Variants in PLCL2 observed in about 807,000 individuals in gnomAD.
The protein encoded by PLCL2 is inactive phospholipase C-like protein 2.
Under a neutral mutation model 79.6 loss-of-function variants are expected in PLCL2, and 4 were observed. That is an observed-to-expected ratio of 0.05 (90% CI 0.02 to 0.11). PLCL2 has a LOEUF of 0.11. Ranked by LOEUF, PLCL2 falls within the 10% of genes least tolerant of loss-of-function variation. The probability of loss-of-function intolerance (pLI) is 1.00; values close to 1 mark genes in which losing one functional copy is unlikely to be tolerated. For missense variants in PLCL2, 895 were observed against 1,291.0 expected, an observed-to-expected ratio of 0.69 and a Z score of 4.70; for synonymous variants, 484 against 457.7, an observed-to-expected ratio of 1.06 and a Z score of -0.73.
chr3:16,977,679 T>C (rs1201361457), intron 1 of PLCL2, among the ~76,000 whole-genome samples: 2 of 152,250 alleles, frequency 1.3e-5, no homozygotes, highest in Non-Finnish European at 2.9e-5. Context: ...CTGGTGTTAA[T>C]GAAGTAATAC....
chr3:16,892,606 A>G (rs1242557829), intron 1 of PLCL2, among the ~76,000 whole-genome samples: 1 of 152,232 alleles, frequency 6.6e-6, no homozygotes, highest in Non-Finnish European at 1.5e-5. Context: ...TAAAATACAT[A>G]AGGAATCTGG....
At chr3:16,928,818 G>A (rs1322070390) in intron 1 of PLCL2, among the ~76,000 whole-genome samples, 1 of 152,174 alleles carries the variant, frequency 6.6e-6, no homozygotes, top group Non-Finnish European at 1.5e-5. Context: ...AATATTCGGT[G>A]ATGCTATCCT....
At chr3:16,960,907 T>A (rs2063748412) in intron 1 of PLCL2, among the ~76,000 whole-genome samples, 1 of 152,230 alleles carries the variant, frequency 6.6e-6, no homozygotes, top group Non-Finnish European at 1.5e-5. Flanking sequence ...AATGACTTCA[T>A]GGTTATTAAT....
chr3:16,921,196 A>G (rs1172788613), intron 1 of PLCL2, among the ~76,000 whole-genome samples: 1 of 152,224 alleles, frequency 6.6e-6, no homozygotes, highest in Non-Finnish European at 1.5e-5. Flanking sequence ...CTAGTCAGAT[A>G]TTTTAGTCAT....
At chr3:17,035,065 T>G (rs1445892404) in intron 3 of PLCL2, among the ~76,000 whole-genome samples, 3 of 152,174 alleles carry the variant, frequency 2.0e-5, no homozygotes, top group Non-Finnish European at 4.4e-5. Flanking sequence ...ATCTTTAAAA[T>G]TTCTCCCTCA....
intron 1 of PLCL2, among the ~76,000 whole-genome samples, chr3:16,891,650 G>A (rs1191605378): frequency 6.6e-6 from 1 of 152,192 alleles, no homozygotes; most frequent in Non-Finnish European, 1.5e-5. Context: ...GCTTTGCCCA[G>A]GACAATCCAG....
intron 1 of PLCL2, among the ~76,000 whole-genome samples, chr3:16,993,495 G>C (rs762162491): frequency 5.3e-5 from 8 of 152,118 alleles, no homozygotes; most frequent in African/African-American, 7.2e-5. Flanking sequence ...TGGACTGAAG[G>C]GTCAGCTTCA....
At chr3:16,941,681 T>C (rs1418357584) in intron 1 of PLCL2, among the ~76,000 whole-genome samples, 1 of 152,206 alleles carries the variant, frequency 6.6e-6, no homozygotes, top group African/African-American at 2.4e-5. Context: ...CTTCATAATC[T>C]TGGCTGGGCT....
chr3:16,984,640 G>A (rs1334164881), intron 1 of PLCL2, among the ~76,000 whole-genome samples: 1 of 152,068 alleles, frequency 6.6e-6, no homozygotes, highest in South Asian at 2.1e-4. Flanking sequence ...TGTTATTTAA[G>A]AATCAGACCT....
chr3:17,022,271 T>C (rs1012400965), intron 3 of PLCL2, among the ~76,000 whole-genome samples: 1 of 152,190 alleles, frequency 6.6e-6, no homozygotes, highest in Non-Finnish European at 1.5e-5. Flanking sequence ...AAAACTAAGA[T>C]ATTCGAAGTA....
chr3:16,976,994 A>G (rs563757577), intron 1 of PLCL2, among the ~76,000 whole-genome samples: 1 of 152,280 alleles, frequency 6.6e-6, no homozygotes, highest in African/African-American at 2.4e-5. Flanking sequence ...TTGGTAGTCC[A>G]TGTTGTCTAG....
At chr3:17,004,232 T>C (rs2064238486) in intron 1 of PLCL2, among the ~76,000 whole-genome samples, 1 of 152,190 alleles carries the variant, frequency 6.6e-6, no homozygotes, top group Non-Finnish European at 1.5e-5. Context: ...AGAAGTGATA[T>C]TCTGTTTTGG....
Position 16,885,211 on chromosome 3 carries a change from G to A in PLCL2, c.172G>A (p.Asp58Asn). ...TGACAGCGGCGGGGTTTCCAACGGAGACTGCAGCCTCGGCGTGTCCGGGGA... is the reference window on the plus strand; with the variant it reads ...TGACAGCGGCGGGGTTTCCAACGGAAACTGCAGCCTCGGCGTGTCCGGGGA... Reference protein sequence around the residue: ...RYDSGGVSNGDCSLGVSGDEA... With the variant: ...RYDSGGVSNGNCSLGVSGDEA... The change falls in exon 1 of 6, where the codon GAC becomes AAC. Residue 58 changes from aspartate to asparagine, a missense_variant. Asp to Asn is a conservative substitution (Grantham distance 23). Around this residue, in one of 6 missense-constraint regions of PLCL2, gnomAD observed 110 missense variants for 42.9 expected, o/e 2.56. Coordinates refer to ENST00000615277, the MANE Select transcript of PLCL2 (RefSeq NM_001144382.2). 1 of 646,226 alleles carries A rather than the reference G, an allele frequency of 1.5e-6. No individual in the cohort carries two copies. Among genetic ancestry groups the A allele is most frequent in the East Asian group, 3.2e-5 (1 of 31,664 alleles). 40.0% of individuals were successfully genotyped at this position (646,226 alleles called of 1,614,324 possible). A position where few individuals can be genotyped will look rare whatever the true frequency, so the allele number is the denominator to read the frequency against.
intron 4 of PLCL2, among the ~76,000 whole-genome samples, chr3:17,051,792 A>G (rs2064842010): frequency 6.6e-6 from 1 of 152,178 alleles, no homozygotes; most frequent in African/African-American, 2.4e-5. Flanking sequence ...TAGTTTCATG[A>G]TGCTTTGTTC....
chr3:16,953,333 A>C (rs991552090), intron 1 of PLCL2, among the ~76,000 whole-genome samples: 1 of 152,146 alleles, frequency 6.6e-6, no homozygotes, highest in Non-Finnish European at 1.5e-5. Flanking sequence ...TATTTCTATC[A>C]TTTTGAATTT....
At chr3:16,991,496 A>C (rs1164203394) in intron 1 of PLCL2, among the ~76,000 whole-genome samples, 1 of 152,118 alleles carries the variant, frequency 6.6e-6, no homozygotes, top group Non-Finnish European at 1.5e-5. Context: ...TATTCTCTTC[A>C]TTCTTTTTGA....
intron 2 of PLCL2, among the ~76,000 whole-genome samples, chr3:17,013,180 T>C (rs1005331938): frequency 6.6e-6 from 1 of 152,204 alleles, no homozygotes; most frequent in Non-Finnish European, 1.5e-5. Context: ...GCAAGCGCAT[T>C]GTCCACTGCC....
chr3:16,964,972 C>T (rs1246387722), intron 1 of PLCL2, among the ~76,000 whole-genome samples: 3 of 151,942 alleles, frequency 2.0e-5, no homozygotes, highest in Non-Finnish European at 4.4e-5. Flanking sequence ...CTGTAGGTTG[C>T]CTGTTCACTC....
chr3:17,015,523 A>G (rs1172755329), intron 3 of PLCL2, among the ~76,000 whole-genome samples: 1 of 152,168 alleles, frequency 6.6e-6, no homozygotes, highest in East Asian at 1.9e-4. Context: ...TTTTTTATTT[A>G]TCATAACTCT....
Sources: allele counts gnomAD v4.1 joint callset (sites outside exome capture counted in the v4.1 genomes callset), GRCh38; gene constraint gnomAD v4.1.1; regional missense constraint gnomAD v4.1.1; transcripts MANE v1.5; gene names NCBI Gene and HGNC (gene_info 2026-07-23, HGNC 2026-07-21).